The following MSRB3 variants were observed in gnomAD, a reference collection of about 807,000 sequenced individuals.
MSRB3 encodes methionine sulfoxide reductase B3, also known as methionine-R-sulfoxide reductase B3.
MSRB3 carries 13 observed loss-of-function variants against 21.0 expected under a neutral mutation model. That is an observed-to-expected ratio of 0.62 (90% CI 0.40 to 0.98). MSRB3 has a LOEUF of 0.98. Among genes scored for constraint, MSRB3 ranks in the 50% least tolerant of loss-of-function variants. The probability of loss-of-function intolerance (pLI) is 0.00; values close to 1 mark genes in which losing one functional copy is unlikely to be tolerated. For missense variants in MSRB3, 199 were observed against 230.3 expected (o/e 0.86, Z 0.88); for synonymous variants, 87 against 88.6 (o/e 0.98, Z 0.10).
At chr12:65,335,231 A>G (rs1338770147) in intron 4 of MSRB3, among the ~76,000 whole-genome samples, 2 of 152,352 alleles carry the variant, frequency 1.3e-5, no homozygotes, top group East Asian at 3.9e-4. Flanking sequence ...TTTTGGGAAC[A>G]TATCATACTA....
intron 5 of MSRB3, among the ~76,000 whole-genome samples, chr12:65,410,874 A>G (rs1031808746): frequency 5.3e-5 from 8 of 152,212 alleles, no homozygotes; most frequent in African/African-American, 1.9e-4. Flanking sequence ...AAGCAGAAAT[A>G]AAGGGAATGA....
intron 1 of MSRB3, among the ~76,000 whole-genome samples, chr12:65,299,651 TAAG>T (rs1873192677): frequency 6.6e-6 from 1 of 152,190 alleles, no homozygotes; most frequent in Non-Finnish European, 1.5e-5. Context: ...CTATTACTAA[TAAG>T]AAGAAGGGAG....
chr12:65,373,520 T>C (rs2136542428), intron 5 of MSRB3, among the ~76,000 whole-genome samples: 1 of 152,250 alleles, frequency 6.6e-6, no homozygotes, highest in Middle Eastern at 3.4e-3. Context: ...CAAAGATTTT[T>C]TTTTTCTATA....
chr12:65,400,711 G>A (rs552169720), intron 5 of MSRB3, among the ~76,000 whole-genome samples: 194 of 151,980 alleles, frequency 1.3e-3, no homozygotes, highest in Non-Finnish European at 2.2e-3. Flanking sequence ...TTAGGGTGTC[G>A]GTTTTAGATC....
At chr12:65,461,702 T>C (rs1883339380) in intron 6 of MSRB3, among the ~76,000 whole-genome samples, 1 of 152,192 alleles carries the variant, frequency 6.6e-6, no homozygotes, top group Non-Finnish European at 1.5e-5. Flanking sequence ...TGGTGTCTCA[T>C]CCCCAGTCCC....
At chr12:65,365,115 A>G (rs1565856900) in intron 4 of MSRB3, among the ~76,000 whole-genome samples, 2 of 151,818 alleles carry the variant, frequency 1.3e-5, no homozygotes, top group Admixed American at 6.6e-5. Flanking sequence ...TTCTATAGAC[A>G]TTTTGATCAT....
intron 4 of MSRB3, among the ~76,000 whole-genome samples, 166 bp from the exon 5 acceptor site, chr12:65,368,832 T>C (rs1878154960): frequency 6.6e-6 from 1 of 151,858 alleles, no homozygotes; most frequent in Non-Finnish European, 1.5e-5. Flanking sequence ...CCTAGGGTAA[T>C]GCATGCATAT....
intron 5 of MSRB3, among the ~76,000 whole-genome samples, chr12:65,438,689 T>A (rs1882234059): frequency 6.6e-6 from 1 of 151,794 alleles, no homozygotes; most frequent in South Asian, 2.1e-4. Context: ...CCAAAGGCTT[T>A]ATTTTACTTG....
chr12:65,404,067 C>T (rs2136609839), intron 5 of MSRB3, among the ~76,000 whole-genome samples: 1 of 152,328 alleles, frequency 6.6e-6, no homozygotes, highest in Non-Finnish European at 1.5e-5. Flanking sequence ...TTGCCAGCCA[C>T]CTCTTTTTCT....
intron 1 of MSRB3, among the ~76,000 whole-genome samples, chr12:65,296,255 T>C (rs765585648): frequency 6.6e-6 from 1 of 152,236 alleles, no homozygotes; most frequent in African/African-American, 2.4e-5. Flanking sequence ...CACCTCATTC[T>C]TTCCCTGTGC....
chr12:65,390,475 A>C (rs1033342230), intron 5 of MSRB3, among the ~76,000 whole-genome samples: 1 of 152,222 alleles, frequency 6.6e-6, no homozygotes, highest in Non-Finnish European at 1.5e-5. Flanking sequence ...ATAGAAATGC[A>C]AATTGCATCA....
chr12:65,371,276 C>T (rs1429684531), intron 5 of MSRB3, among the ~76,000 whole-genome samples: 3 of 133,726 alleles, frequency 2.2e-5, no homozygotes, highest in Non-Finnish European at 4.6e-5. Context: ...TGCAGTGAGC[C>T]GAAATTCTGC....
intron 5 of MSRB3, among the ~76,000 whole-genome samples, chr12:65,450,369 G>C (rs926145335): frequency 5.3e-5 from 8 of 152,144 alleles, no homozygotes; most frequent in African/African-American, 1.9e-4. Context: ...GCTATCTGGA[G>C]ATGGTAATTC....
intron 5 of MSRB3, among the ~76,000 whole-genome samples, chr12:65,409,154 ATATC>A (rs1880580460): frequency 8.0e-6 from 1 of 124,288 alleles, no homozygotes; most frequent in Non-Finnish European, 1.6e-5. Flanking sequence ...TTATACCTAT[ATATC>A]TATATACGTG....
chr12:65,400,726 C>T (rs1470351624), intron 5 of MSRB3, among the ~76,000 whole-genome samples: 1 of 152,110 alleles, frequency 6.6e-6, no homozygotes, highest in Non-Finnish European at 1.5e-5. Flanking sequence ...TAGATCTTTC[C>T]TGCTTTCTCC....
chr12:65,430,186 T>A (rs1211827194), intron 5 of MSRB3, among the ~76,000 whole-genome samples: 1 of 152,212 alleles, frequency 6.6e-6, no homozygotes, highest in Non-Finnish European at 1.5e-5. Flanking sequence ...TTCCAGCTGC[T>A]GCTGTTCACA....
chr12:65,412,456 T>C lies in MSRB3; in HGVS notation c.293-41272T>C, dbSNP rs139147182. ...CAAGACCATCATAGTTAAGTTGGGC[T>C]CAATAGTTAAGATTGAAAATGATGT... On this transcript the variant is annotated intron_variant, in intron 5 of 6. Coordinates refer to ENST00000308259, the MANE Select transcript of MSRB3 (RefSeq NM_001031679.3). Among the ~76,000 whole-genome samples, 10 of 152,314 alleles carry C rather than the reference T, an allele frequency of 6.6e-5. No individual in the cohort carries two copies. The East Asian group carries it at 1.9e-3, about 29-fold the overall frequency.
intron 5 of MSRB3, among the ~76,000 whole-genome samples, chr12:65,383,916 C>T (rs1402513980): frequency 3.3e-5 from 5 of 152,124 alleles, no homozygotes; most frequent in African/African-American, 1.2e-4. Flanking sequence ...GCCTCGGCCT[C>T]CCAAAGTGTT....
chr12:65,316,034 T>C (rs944232018), intron 2 of MSRB3: 6 of 152,166 alleles, frequency 3.9e-5, no homozygotes, highest in African/African-American at 1.2e-4. Flanking sequence ...AAATTTTAGA[T>C]AATCTCACAG....
Sources: gnomAD v4.1 joint callset for allele counts (sites outside exome capture counted in the v4.1 genomes callset) on GRCh38, gnomAD v4.1.1 for gene constraint, MANE v1.5 for transcripts, NCBI Gene and HGNC (gene_info 2026-07-23, HGNC 2026-07-21) for gene names.